The following MEF2A variants were observed in gnomAD, a reference collection of about 807,000 sequenced individuals.
MEF2A encodes myocyte-specific enhancer factor 2A.
MEF2A carries 28 observed loss-of-function variants against 55.8 expected under a neutral mutation model. The observed-to-expected ratio is 0.50, with a 90% CI of 0.37 to 0.69. MEF2A has a LOEUF of 0.69. Among genes scored for constraint, MEF2A ranks in the 30% least tolerant of loss-of-function variants. The pLI, the probability that MEF2A is intolerant of heterozygous loss-of-function variation, is 0.00. For synonymous variants in MEF2A, 239 were observed against 227.1 expected (o/e 1.05, Z -0.47); for missense variants, 528 against 626.2 (o/e 0.84, Z 1.67).
At chr15:99,631,199 T>C (rs2042884433) in intron 2 of MEF2A, among the ~76,000 whole-genome samples, 1 of 152,266 alleles carries the variant, frequency 6.6e-6, no homozygotes, top group Non-Finnish European at 1.5e-5. Context: ...TAGTACACTG[T>C]ATCCATCTTA....
rs1055405726 is a variant in MEF2A at position 99,603,854 on chromosome 15, G to A, written c.-143+5343G>A. 2.6e-4 allele frequency among the ~76,000 whole-genome samples: 39 copies of A among 152,168 alleles called. 1 individual carries two copies. Among genetic ancestry groups the A allele is most frequent in the Non-Finnish European group, 1.5e-5 (1 of 68,030 alleles). Reference sequence around the variant, plus strand: ...TGTTTCAATAATTTCTGAAAGAGAAGTGTTCAATATTCAACTTCAATTGTG... The same window carrying A: ...TGTTTCAATAATTTCTGAAAGAGAAATGTTCAATATTCAACTTCAATTGTG... On this transcript the variant is annotated intron_variant, in intron 2 of 11. Coordinates refer to ENST00000557942, the MANE Select transcript of MEF2A (RefSeq NM_001319206.4).
At chr15:99,686,812 C>G (rs1485968865) in intron 7 of MEF2A, among the ~76,000 whole-genome samples, 1 of 152,140 alleles carries the variant, frequency 6.6e-6, no homozygotes, top group Admixed American at 6.5e-5. Context: ...AATATGTTTT[C>G]CAGACTTTTA....
At chr15:99,603,998 A>T (rs1430295476) in intron 2 of MEF2A, among the ~76,000 whole-genome samples, 1 of 152,158 alleles carries the variant, frequency 6.6e-6, no homozygotes, top group Non-Finnish European at 1.5e-5. Context: ...AAATTTTGTG[A>T]AATAGTTTGT....
chr15:99,578,653 C>G (rs1460246933), intron 1 of MEF2A, among the ~76,000 whole-genome samples: 1 of 152,266 alleles, frequency 6.6e-6, no homozygotes, highest in African/African-American at 2.4e-5. Context: ...GTATACGAAC[C>G]CACACATTTA....
chr15:99,682,544 A>C (rs1356644952), intron 7 of MEF2A, among the ~76,000 whole-genome samples: 1 of 152,220 alleles, frequency 6.6e-6, no homozygotes, highest in African/African-American at 2.4e-5. Flanking sequence ...AAGAAGGTAC[A>C]TATTAGGGTA....
intron 8 of MEF2A, among the ~76,000 whole-genome samples, chr15:99,696,359 G>C (rs1158831544): frequency 6.6e-6 from 1 of 152,118 alleles, no homozygotes; most frequent in Non-Finnish European, 1.5e-5. Flanking sequence ...CCTGTGCCAG[G>C]AAACAAACTG....
At chr15:99,685,723 T>C (rs1437072434) in intron 7 of MEF2A, among the ~76,000 whole-genome samples, 1 of 152,226 alleles carries the variant, frequency 6.6e-6, no homozygotes, top group Non-Finnish European at 1.5e-5. Context: ...CCTGTTATTT[T>C]GTTGAGGATT....
chr15:99,628,530 C>T (rs564508635), intron 2 of MEF2A, among the ~76,000 whole-genome samples: 1 of 151,974 alleles, frequency 6.6e-6, no homozygotes, highest in South Asian at 2.1e-4. Context: ...TTTATTAATC[C>T]ATTTTTCCCC....
intron 4 of MEF2A, among the ~76,000 whole-genome samples, chr15:99,659,847 G>T (rs2153563418): frequency 6.6e-6 from 1 of 152,044 alleles, no homozygotes; most frequent in East Asian, 1.9e-4. Context: ...TTGATTCATT[G>T]GACAGATTTC....
intron 2 of MEF2A, among the ~76,000 whole-genome samples, chr15:99,631,792 A>G (rs1453768407): frequency 1.3e-5 from 2 of 152,178 alleles, no homozygotes; most frequent in Non-Finnish European, 2.9e-5. Flanking sequence ...TAAAATAATG[A>G]GGGAAGATAA....
chr15:99,690,232 T>TC lies in MEF2A; in HGVS notation c.671-3dup, dbSNP rs761293271. 2 of 1,611,644 alleles carry TC rather than the reference T, an allele frequency of 1.2e-6. No individual in the cohort carries two copies. The highest frequency in any genetic ancestry group is 1.7e-6 in the Non-Finnish European group (2 of 1,178,672). On this transcript the variant is annotated splice_polypyrimidine_tract_variant and intron_variant, in intron 7 of 11. Coordinates refer to ENST00000557942, the MANE Select transcript of MEF2A (RefSeq NM_001319206.4). ...TTCTCACTTTATTGAATGATATTTTTCCCCCCAGGGAATGGATTTGTAAAC... is the reference window on the plus strand; with the variant it reads ...TTCTCACTTTATTGAATGATATTTTTCCCCCCCAGGGAATGGATTTGTAAAC...
At chr15:99,662,641 A>C (rs1257751005) in intron 4 of MEF2A, among the ~76,000 whole-genome samples, 1 of 151,950 alleles carries the variant, frequency 6.6e-6, no homozygotes, top group Admixed American at 6.6e-5. Context: ...ACGCCCAGCT[A>C]ATTTTTTTGT....
chr15:99,703,566 A>G lies in MEF2A; in HGVS notation c.882+181A>G, dbSNP rs114951101. Among the ~76,000 whole-genome samples the G allele has an allele frequency of 3.1e-3, 474 of 152,228 alleles. 1 individual carries two copies. Among genetic ancestry groups the G allele is most frequent in the African/African-American group, 0.011 (448 of 41,536 alleles). On this transcript the variant is annotated intron_variant, in intron 9 of 11. Coordinates refer to ENST00000557942, the MANE Select transcript of MEF2A (RefSeq NM_001319206.4). ...CTCTAGTTTTTCTATTTATAATTGTATGTGTTGACCCATTTTATTTGTTGG... is the reference window on the plus strand; with the variant it reads ...CTCTAGTTTTTCTATTTATAATTGTGTGTGTTGACCCATTTTATTTGTTGG...
intron 3 of MEF2A, among the ~76,000 whole-genome samples, chr15:99,634,535 A>T (rs2153420991): frequency 6.6e-6 from 1 of 152,350 alleles, no homozygotes; most frequent in African/African-American, 2.4e-5. Context: ...GGGGAATAAC[A>T]TACAAGCAAA....
chr15:99,623,098 C>G (rs1458487685), intron 2 of MEF2A, among the ~76,000 whole-genome samples: 2 of 152,194 alleles, frequency 1.3e-5, no homozygotes, highest in Non-Finnish European at 2.9e-5. Flanking sequence ...AACTACCATT[C>G]TACTCTATGT....
At chr15:99,590,627 A>G (rs573663327) in intron 1 of MEF2A, among the ~76,000 whole-genome samples, 108 of 150,578 alleles carry the variant, frequency 7.2e-4, no homozygotes, top group Non-Finnish European at 1.2e-3. Context: ...CATTTAATCT[A>G]CTTTCTTGGT....
chr15:99,583,910 A>T (rs1044544408), intron 1 of MEF2A, among the ~76,000 whole-genome samples: 1 of 152,118 alleles, frequency 6.6e-6, no homozygotes, highest in African/African-American at 2.4e-5. Flanking sequence ...TACTTTGTGA[A>T]CATCATAGAG....
At chr15:99,689,238 A>T (rs1165244183) in intron 7 of MEF2A, among the ~76,000 whole-genome samples, 4 of 152,244 alleles carry the variant, frequency 2.6e-5, no homozygotes, top group Non-Finnish European at 4.4e-5. Flanking sequence ...CTGAAGAAAC[A>T]GACTCAGTAG....
intron 1 of MEF2A, among the ~76,000 whole-genome samples, chr15:99,594,133 A>G (rs1244592494): frequency 6.6e-6 from 1 of 152,184 alleles, no homozygotes; most frequent in East Asian, 1.9e-4. Context: ...CAGCCTGACA[A>G]GACTGACCCA....
Sources: gnomAD v4.1 joint callset for allele counts (sites outside exome capture counted in the v4.1 genomes callset) on GRCh38, gnomAD v4.1.1 for gene constraint, MANE v1.5 for transcripts, NCBI Gene and HGNC (gene_info 2026-07-23, HGNC 2026-07-21) for gene names.